Variants in TUNAR observed in about 807,000 individuals in gnomAD.
TUNAR encodes protein TUNAR.
chr14:95,911,054 A>G (rs1889504057), intron 2 of TUNAR, among the ~76,000 whole-genome samples: 1 of 152,246 alleles, frequency 6.6e-6, no homozygotes. Flanking sequence ...GAAAAAATAA[A>G]CAGGAATTGA....
chr14:95,924,195 CAA>C (rs954065689), exon 3 of TUNAR: 8 of 152,196 alleles, frequency 5.3e-5, no homozygotes, highest in African/African-American at 1.7e-4. Flanking sequence ...ATAAATGACA[CAA>C]GAACTCCCCC....
chr14:95,902,585 G>A (rs963257116), intron 2 of TUNAR, among the ~76,000 whole-genome samples: 3 of 152,186 alleles, frequency 2.0e-5, no homozygotes, highest in South Asian at 2.1e-4. Flanking sequence ...TCGCACTTAC[G>A]GGAGCTGTTC....
intron 2 of TUNAR, among the ~76,000 whole-genome samples, chr14:95,891,063 A>C (rs996195394): frequency 3.3e-5 from 5 of 152,266 alleles, no homozygotes; most frequent in African/African-American, 1.2e-4. Flanking sequence ...CTAGTCTGTG[A>C]TTTAGAAAGA....
At chr14:95,909,661 A>G (rs1273817334) in intron 2 of TUNAR, among the ~76,000 whole-genome samples, 1 of 152,080 alleles carries the variant, frequency 6.6e-6, no homozygotes, top group Non-Finnish European at 1.5e-5. Context: ...GCTGCCTCTC[A>G]GAGTGAGCCA....
At chr14:95,900,534 C>T (rs1349255779) in intron 2 of TUNAR, among the ~76,000 whole-genome samples, 1 of 152,200 alleles carries the variant, frequency 6.6e-6, no homozygotes, top group Non-Finnish European at 1.5e-5. Flanking sequence ...TCCAGGGTAG[C>T]AAAGGACTTG....
chr14:95,899,365 G>A (rs757802503), intron 2 of TUNAR, among the ~76,000 whole-genome samples: 4 of 152,152 alleles, frequency 2.6e-5, no homozygotes, highest in Admixed American at 6.5e-5. Context: ...TCTCAGAACA[G>A]GAGACCCTCA....
Position 95,913,278 on chromosome 14 carries a change from G to A in TUNAR, c.13-9503G>A, listed in dbSNP as rs571157171. On this transcript the variant is annotated intron_variant, in intron 2 of 2. Transcript: ENST00000678517. ...CATCATCATCTAGGTTTTAAGCCCCGCATGCATTGGGTATTTGTCTTAATG... is the reference window on the plus strand; with the variant it reads ...CATCATCATCTAGGTTTTAAGCCCCACATGCATTGGGTATTTGTCTTAATG... Among the ~76,000 whole-genome samples, 6 of 151,818 alleles carry A rather than the reference G, an allele frequency of 4.0e-5. No individual in the cohort carries two copies. The South Asian group carries it at 6.3e-4, about 16-fold the overall frequency.
At chr14:95,898,380 T>C (rs1043990090) in intron 2 of TUNAR, among the ~76,000 whole-genome samples, 3 of 152,228 alleles carry the variant, frequency 2.0e-5, no homozygotes, top group Admixed American at 1.3e-4. Context: ...TTATTCATTG[T>C]TCTGGATGCC....
rs190224855 is a variant in TUNAR at position 95,883,303 on chromosome 14, G to T, written c.12+6126G>T. The stretch of plus-strand genomic sequence containing the variant: ...GTCTGCTCGAGGACATCCCTGTGGC[G>T]GTTGAGAGTGGCTCTGTCCATCTGT... On this transcript the variant is annotated intron_variant, in intron 2 of 2. Coordinates refer to ENST00000678517, the Ensembl canonical transcript of TUNAR. Among the ~76,000 whole-genome samples the T allele has an allele frequency of 2.0e-3, 312 of 152,342 alleles. 1 individual carries two copies. Among genetic ancestry groups the T allele is most frequent in the African/African-American group, 7.2e-3 (300 of 41,580 alleles).
chr14:95,884,567 C>G (rs1173565627), intron 2 of TUNAR, among the ~76,000 whole-genome samples: 1 of 152,224 alleles, frequency 6.6e-6, no homozygotes, highest in Non-Finnish European at 1.5e-5. Context: ...AGAAGCAGCT[C>G]TTTAAGTCTA....
chr14:95,879,594 T>C (rs1257892385), intron 2 of TUNAR, among the ~76,000 whole-genome samples: 1 of 152,244 alleles, frequency 6.6e-6, no homozygotes, highest in African/African-American at 2.4e-5. Context: ...GTTACTGATA[T>C]TTATTTTTTA....
At chr14:95,890,904 A>G (rs1244459485) in intron 2 of TUNAR, among the ~76,000 whole-genome samples, 1 of 152,224 alleles carries the variant, frequency 6.6e-6, no homozygotes, top group Non-Finnish European at 1.5e-5. Context: ...CACAGAGCTG[A>G]ACGGGTCTGT....
intron 2 of TUNAR, among the ~76,000 whole-genome samples, chr14:95,907,602 T>C (rs1889446578): frequency 6.6e-6 from 1 of 152,162 alleles, no homozygotes; most frequent in Non-Finnish European, 1.5e-5. Context: ...GTGAGCAAGA[T>C]GAAGAGGTGC....
At chr14:95,913,842 C>G (rs142366592) in intron 2 of TUNAR, among the ~76,000 whole-genome samples, 2 of 152,214 alleles carry the variant, frequency 1.3e-5, no homozygotes, top group Non-Finnish European at 2.9e-5. Context: ...AAGCGATTCT[C>G]CTGCCTCAGC....
intron 2 of TUNAR, among the ~76,000 whole-genome samples, chr14:95,890,811 T>TTAATCAAATTAATCAAATG (rs1889167076): frequency 1.3e-5 from 2 of 152,256 alleles, no homozygotes; most frequent in South Asian, 4.1e-4. Flanking sequence ...AATTTGTTCA[T>TTAATCAAATTAATCAAATG]TAATCAAATT....
intron 2 of TUNAR, among the ~76,000 whole-genome samples, chr14:95,905,589 G>A (rs1326843245): frequency 1.3e-5 from 2 of 152,178 alleles, no homozygotes; most frequent in Non-Finnish European, 2.9e-5. Context: ...CATTGACCTC[G>A]ATCACTGGGT....
intron 2 of TUNAR, among the ~76,000 whole-genome samples, chr14:95,893,603 A>G (rs1308269096): frequency 1.3e-5 from 2 of 149,914 alleles, no homozygotes; most frequent in Non-Finnish European, 3.0e-5. Flanking sequence ...CAGCCAGCAG[A>G]GTGCCAGGGG....
chr14:95,881,479 T>C (rs1487158295), intron 2 of TUNAR, among the ~76,000 whole-genome samples: 1 of 152,198 alleles, frequency 6.6e-6, no homozygotes, highest in East Asian at 1.9e-4. Flanking sequence ...GTAACAGCTT[T>C]CAAAAGAACT....
chr14:95,905,773 T>C (rs1381795039), intron 2 of TUNAR, among the ~76,000 whole-genome samples: 1 of 152,222 alleles, frequency 6.6e-6, no homozygotes, highest in Non-Finnish European at 1.5e-5. Context: ...ACTGTGGTGA[T>C]TGCCTACTGG....
Sources: gnomAD v4.1 joint callset for allele counts (sites outside exome capture counted in the v4.1 genomes callset) on GRCh38, gnomAD v4.1.1 for gene constraint, MANE v1.5 for transcripts, NCBI Gene and HGNC (gene_info 2026-07-23, HGNC 2026-07-21) for gene names.